The following L3MBTL3 variants were observed in gnomAD, a reference collection of about 807,000 sequenced individuals.
L3MBTL3 encodes lethal(3)malignant brain tumor-like protein 3.
A neutral mutation model predicts 102.3 loss-of-function variants in L3MBTL3; 27 were observed. That is an observed-to-expected ratio of 0.26 (90% CI 0.19 to 0.36). The LOEUF (loss-of-function observed/expected upper bound fraction) is 0.36, where lower values mean the gene tolerates loss of function less well. L3MBTL3 is among the 10% of genes least tolerant of loss of function. L3MBTL3 has a pLI of 1.00. For missense variants in L3MBTL3, 798 were observed against 955.3 expected (o/e 0.84, Z 2.17); for synonymous variants, 340 against 320.9 (o/e 1.06, Z -0.64).
At chr6:130,059,974 T>A in intron 9 of L3MBTL3, 62 bp from the exon 10 acceptor site, 1 of 875,892 alleles carries the variant, frequency 1.1e-6, no homozygotes, top group Non-Finnish European at 1.9e-6. Context: ...ATGGTAACTA[T>A]TTACATCTTT....
At chr6:130,068,109 T>G (rs1782384827) in intron 11 of L3MBTL3, among the ~76,000 whole-genome samples, 1 of 152,226 alleles carries the variant, frequency 6.6e-6, no homozygotes, top group Non-Finnish European at 1.5e-5. Context: ...TTCCTTTTCT[T>G]TATATCCATT....
At chr6:130,127,332 G>C (rs1027361437) in intron 20 of L3MBTL3, among the ~76,000 whole-genome samples, 2 of 152,154 alleles carry the variant, frequency 1.3e-5, no homozygotes, top group African/African-American at 4.8e-5. Flanking sequence ...CCAGGGCATG[G>C]GGGAAGGTCA....
At chr6:130,068,183 G>A (rs1435928260) in intron 11 of L3MBTL3, 147 bp from the exon 12 acceptor site, 1 of 550,716 alleles carries the variant, frequency 1.8e-6, no homozygotes, top group East Asian at 2.8e-5. Context: ...GTCTAAATAT[G>A]CATAGTTATG....
chr6:130,110,052 T>C (rs1025481515), intron 19 of L3MBTL3, among the ~76,000 whole-genome samples: 2 of 152,176 alleles, frequency 1.3e-5, no homozygotes. Flanking sequence ...CTTCCATTGG[T>C]TTATATATCT....
chr6:130,125,873 C>T (rs1016155945), intron 20 of L3MBTL3, among the ~76,000 whole-genome samples: 1 of 152,062 alleles, frequency 6.6e-6, no homozygotes, highest in Non-Finnish European at 1.5e-5. Context: ...TGTTTTGAGT[C>T]TAGGAGCAAA....
At chr6:130,051,124 A>G in intron 5 of L3MBTL3, 125 bp from the exon 6 acceptor site, 1 of 705,896 alleles carries the variant, frequency 1.4e-6, no homozygotes. Flanking sequence ...TTGATCATTC[A>G]TTCATTCAGC....
At chr6:130,058,888 A>G (rs998628212) in intron 9 of L3MBTL3, among the ~76,000 whole-genome samples, 1 of 152,190 alleles carries the variant, frequency 6.6e-6, no homozygotes, top group Non-Finnish European at 1.5e-5. Flanking sequence ...TGTCATAGAT[A>G]TATTTTTATG....
chr6:130,020,063 C>T (rs1191221163), intron 1 of L3MBTL3, among the ~76,000 whole-genome samples: 1 of 148,360 alleles, frequency 6.7e-6, no homozygotes, highest in Non-Finnish European at 1.5e-5. Flanking sequence ...GGCTGCTTTT[C>T]CTGCAACTTG....
chr6:130,139,518 TGTAGAAGACAGCTG>T, intron 22 of L3MBTL3, 78 bp from the exon 23 acceptor site: 1 of 1,176,934 alleles, frequency 8.5e-7, no homozygotes, highest in East Asian at 2.4e-5. Flanking sequence ...AGCATTGCTA[TGTAGAAGACAGCTG>T]GTAATTTAAC....
In L3MBTL3 at chr6:130,133,297, A is replaced by G. The variant is rs1787256693; in HGVS notation, c.1967-155A>G. ...GTTGTTTTTTATAGTGACCTTCAGT[A>G]AAGACAAAGAAGAGCCTATTCAATA... On this transcript the variant is annotated intron_variant, in intron 20 of 22. Transcript: ENST00000361794. The surrounding 1 kb of genome is among the most constrained non-coding windows in gnomAD (Gnocchi z 4.9). 1.6e-6 allele frequency: 1 copy of G among 643,838 alleles called. No individual in the cohort carries two copies. The highest frequency in any genetic ancestry group is 1.8e-5 in the African/African-American group (1 of 55,000). 39.9% of individuals were successfully genotyped at this position (643,838 alleles called of 1,614,324 possible). A position where few individuals can be genotyped will look rare whatever the true frequency, so the allele number is the denominator to read the frequency against.
intron 13 of L3MBTL3, among the ~76,000 whole-genome samples, chr6:130,075,672 G>T (rs1782906136): frequency 6.6e-6 from 1 of 152,102 alleles, no homozygotes. Flanking sequence ...TCTAAGGAGG[G>T]TTCCCTGCAC....
intron 3 of L3MBTL3, among the ~76,000 whole-genome samples, chr6:130,046,446 T>C (rs1379749788): frequency 6.6e-6 from 1 of 152,212 alleles, no homozygotes; most frequent in Non-Finnish European, 1.5e-5. Context: ...TAATGATTTA[T>C]TATTAAATCA....
At position 130,139,663 on chromosome 6, in the gene L3MBTL3, T is replaced by G; in HGVS notation, c.2253T>G (p.Ile751Met). The G allele has an allele frequency of 6.2e-7, 1 of 1,612,960 alleles. No individual in the cohort carries two copies. Among genetic ancestry groups the G allele is most frequent in the Non-Finnish European group, 8.5e-7 (1 of 1,179,072 alleles). The change falls in exon 23 of 23, where the codon ATT becomes ATG. Residue 751 changes from isoleucine to methionine, a missense_variant. Ile to Met is a conservative substitution (Grantham distance 10, BLOSUM62 1). Around this residue, in one of 4 missense-constraint regions of L3MBTL3, gnomAD observed 48 missense variants for 107.0 expected, o/e 0.45. Transcript: ENST00000361794. The stretch of plus-strand genomic sequence containing the variant: ...TGACTCAAACAGACATTGTTAAAAT[T>G]ATGAGCATTAAACTGGGCCCTGCTC... ...LLMTQTDIVK[I>M]MSIKLGPALK...
At chr6:130,037,826 A>C (rs1780155735) in intron 2 of L3MBTL3, among the ~76,000 whole-genome samples, 2 of 152,230 alleles carry the variant, frequency 1.3e-5, no homozygotes, top group Admixed American at 6.5e-5. Context: ...TATACAGTAA[A>C]TTATTTTTAA....
chr6:130,109,641 T>C (rs1360609097), intron 19 of L3MBTL3, among the ~76,000 whole-genome samples: 3 of 152,218 alleles, frequency 2.0e-5, no homozygotes, highest in Non-Finnish European at 4.4e-5. Context: ...AAAAATTTTC[T>C]CCCATGCTGT....
At chr6:130,128,705 G>A (rs943425724) in intron 20 of L3MBTL3, among the ~76,000 whole-genome samples, 1 of 152,056 alleles carries the variant, frequency 6.6e-6, no homozygotes, top group African/African-American at 2.4e-5. Flanking sequence ...ATTTTCTTAA[G>A]ATGAACTTCT....
At chr6:130,093,393 C>T (rs1784173348) in intron 17 of L3MBTL3, among the ~76,000 whole-genome samples, 1 of 152,004 alleles carries the variant, frequency 6.6e-6, no homozygotes, top group South Asian at 2.1e-4. Flanking sequence ...ATACATTATA[C>T]AAAACAAATG....
intron 2 of L3MBTL3, among the ~76,000 whole-genome samples, chr6:130,041,577 A>T (rs954734879): frequency 6.6e-6 from 1 of 152,160 alleles, no homozygotes; most frequent in Non-Finnish European, 1.5e-5. Flanking sequence ...TTTGAATGTC[A>T]TTATGAACTT....
Position 130,133,697 on chromosome 6 carries a change from G to A in L3MBTL3, c.2136+76G>A. Reference sequence around the variant, plus strand: ...TAAGAGGTGTGGAACATTGAGCGTAGGTAGCGTTTAGTCTTTTTTTTTCTG... The same window carrying A: ...TAAGAGGTGTGGAACATTGAGCGTAAGTAGCGTTTAGTCTTTTTTTTTCTG... On this transcript the variant is annotated intron_variant, in intron 21 of 22. Coordinates refer to ENST00000361794, the MANE Select transcript of L3MBTL3 (RefSeq NM_032438.4). The surrounding 1 kb of genome is among the most constrained non-coding windows in gnomAD (Gnocchi z 4.9). 1.3e-6 allele frequency: 2 copies of A among 1,559,038 alleles called. No homozygotes were observed. The highest frequency in any genetic ancestry group is 1.7e-6 in the Non-Finnish European group (2 of 1,143,448).
Sources: gnomAD v4.1 joint callset for allele counts (sites outside exome capture counted in the v4.1 genomes callset) on GRCh38, gnomAD v4.1.1 for gene constraint, gnomAD v4.1.1 regional missense constraint, Gnocchi (gnomAD v3.1) non-coding constraint, MANE v1.5 for transcripts, NCBI Gene and HGNC (gene_info 2026-07-23, HGNC 2026-07-21) for gene names.